Variants in CRYBA4 observed in about 807,000 individuals in gnomAD.
CRYBA4 encodes crystallin beta A4, also known as beta-crystallin A4.
A neutral mutation model predicts 31.7 loss-of-function variants in CRYBA4; 30 were observed. The observed-to-expected ratio is 0.95, with a 90% CI of 0.71 to 1.28. The LOEUF (loss-of-function observed/expected upper bound fraction) is 1.28, where lower values mean the gene tolerates loss of function less well. CRYBA4 is among the 50% of genes most tolerant of loss of function. The pLI is 0.00. For missense variants in CRYBA4, 225 were observed against 260.7 expected (o/e 0.86, Z 0.94); for synonymous variants, 102 against 102.3 (o/e 1.00, Z 0.02).
chr22:26,599,399 G>T, the CRYBA4 span: 1 of 1,357,710 alleles, frequency 7.4e-7, no homozygotes, highest in Non-Finnish European at 1.0e-6. Flanking sequence ...AGAAATTTTG[G>T]CTTTAGGGAA....
the CRYBA4 span, among the ~76,000 whole-genome samples, chr22:26,614,709 C>T: frequency 3.5e-4 from 54 of 152,240 alleles, no homozygotes; most frequent in African/African-American, 1.2e-3. Context: ...ACAAGTAAAT[C>T]GGCCAGTTGC....
rs770287177 is a variant in CRYBA4, at chr22:26,628,282, C to T, written c.301-6C>T. On this transcript the variant is annotated splice_region_variant and splice_polypyrimidine_tract_variant and intron_variant, in intron 4 of 5. Coordinates refer to ENST00000354760, the MANE Select transcript of CRYBA4 (RefSeq NM_001886.3). ...GCTGGTCTGACTGTGTTCCCTGTTC[C>T]TGTAGAACCACCGTGACTCGAGGCT... 9.9e-6 allele frequency: 16 copies of T among 1,613,938 alleles called. No homozygotes were observed. In the South Asian group the frequency reaches 1.6e-4, roughly 17 times the overall value.
At position 26,622,629 on chromosome 22, in the gene CRYBA4, C is replaced by A. The variant is rs1271108460; in HGVS notation, c.33C>A (p.Pro11=). The change falls in exon 2 of 6, where the codon CCC becomes CCA. Residue 11 remains proline, a synonymous_variant. Coordinates refer to ENST00000354760, the MANE Select transcript of CRYBA4 (RefSeq NM_001886.3). The part of the protein sequence containing the change: MTLQCTKSAG[P]WKMVVWDEDG... ...TGCAATGCACAAAGTCAGCGGGACC[C>A]TGGAAGGTAGGAAGAGGCATGGGGA... is the stretch of plus-strand genomic sequence containing the variant. 1 of 1,583,066 alleles carries A rather than the reference C, an allele frequency of 6.3e-7. No individual in the cohort carries two copies. The highest frequency in any genetic ancestry group is 8.6e-7 in the Non-Finnish European group (1 of 1,161,574).
intron 2 of CRYBA4, among the ~76,000 whole-genome samples, chr22:26,622,969 C>G (rs1929579565): frequency 6.6e-6 from 1 of 152,230 alleles, no homozygotes; most frequent in South Asian, 2.1e-4. Flanking sequence ...AAGTCCAGAT[C>G]TAGTGATTGT....
chr22:26,599,626 A>C, the CRYBA4 span: 1 of 1,614,160 alleles, frequency 6.2e-7, no homozygotes, highest in South Asian at 1.1e-5. Context: ...ACCAGGCTCT[A>C]GGAGGTACTG....
At chr22:26,602,948 C>A in the CRYBA4 span, among the ~76,000 whole-genome samples, 1 of 151,160 alleles carries the variant, frequency 6.6e-6, no homozygotes, top group Non-Finnish European at 1.5e-5. Flanking sequence ...ACGATGAAAC[C>A]CCGTCTCTAC....
chr22:26,611,469 G>GTTTTTT, the CRYBA4 span, among the ~76,000 whole-genome samples: 1 of 133,318 alleles, frequency 7.5e-6, no homozygotes, highest in Non-Finnish European at 1.6e-5. Flanking sequence ...TTTTTTTTTT[G>GTTTTTT]TTTTTTTTTT....
chr22:26,613,727 A>C, the CRYBA4 span, among the ~76,000 whole-genome samples: 3 of 152,202 alleles, frequency 2.0e-5, no homozygotes, highest in Non-Finnish European at 4.4e-5. Context: ...GCAATATGAA[A>C]TGTGGGCACC....
At chr22:26,605,436 G>A in the CRYBA4 span, among the ~76,000 whole-genome samples, 1 of 145,796 alleles carries the variant, frequency 6.9e-6, no homozygotes, top group African/African-American at 2.4e-5. Context: ...CACTTTGGGA[G>A]GCCCAGGCGG....
the CRYBA4 span, among the ~76,000 whole-genome samples, chr22:26,605,705 C>G: frequency 8.1e-6 from 1 of 123,274 alleles, no homozygotes; most frequent in Non-Finnish European, 1.7e-5. Context: ...AAAATAGAAA[C>G]AGGCCAACCA....
the CRYBA4 span, chr22:26,607,903 G>A: frequency 1.9e-6 from 3 of 1,614,102 alleles, no homozygotes; most frequent in African/African-American, 1.3e-5. Context: ...TTGATGGGCC[G>A]GAAGGACATG....
intron 2 of CRYBA4, 101 bp from the exon 3 acceptor site, chr22:26,623,133 C>T (rs1210967605): frequency 1.9e-5 from 18 of 971,830 alleles, no homozygotes; most frequent in Middle Eastern, 2.6e-4. Context: ...TCTGAGTTTG[C>T]AATCCCTGCT....
chr22:26,601,331 G>A, the CRYBA4 span, among the ~76,000 whole-genome samples: 19 of 152,228 alleles, frequency 1.2e-4, no homozygotes, highest in East Asian at 5.8e-4. Context: ...GATCCTGAGC[G>A]TTCAGAGCAG....
chr22:26,627,368 CTTTCTTTCTT>C (rs1388719328), intron 4 of CRYBA4, among the ~76,000 whole-genome samples: 20 of 41,406 alleles, frequency 4.8e-4, no homozygotes, highest in Non-Finnish European at 7.2e-4. Context: ...TCCTTTCTTT[CTTTCTTTCTT>C]TCTTTCTTTC....
chr22:26,605,038 G>A, the CRYBA4 span, among the ~76,000 whole-genome samples: 7 of 152,072 alleles, frequency 4.6e-5, no homozygotes, highest in Non-Finnish European at 1.0e-4. Flanking sequence ...CCAGTCCATC[G>A]TTGCTCTAGG....
the CRYBA4 span, among the ~76,000 whole-genome samples, chr22:26,597,476 G>T: frequency 1.3e-5 from 2 of 152,172 alleles, no homozygotes. Context: ...TTGCACAAAG[G>T]TGCCATATGG....
chr22:26,624,543 G>A (rs1725364395), intron 3 of CRYBA4, among the ~76,000 whole-genome samples: 1 of 152,226 alleles, frequency 6.6e-6, no homozygotes, highest in Non-Finnish European at 1.5e-5. Context: ...GGTCATCTTG[G>A]GTGATTTTTG....
At chr22:26,602,828 A>G in the CRYBA4 span, among the ~76,000 whole-genome samples, 4 of 152,122 alleles carry the variant, frequency 2.6e-5, no homozygotes, top group African/African-American at 9.6e-5. Flanking sequence ...ATCTAGGTTC[A>G]AATCCTGCCT....
the CRYBA4 span, chr22:26,599,258 C>T: frequency 3.5e-6 from 2 of 563,696 alleles, no homozygotes; most frequent in Non-Finnish European, 6.3e-6. Context: ...ATTTGGTAGA[C>T]TCACATAACA....
Sources: allele counts gnomAD v4.1 joint callset (sites outside exome capture counted in the v4.1 genomes callset), GRCh38; gene constraint gnomAD v4.1.1; transcripts MANE v1.5; gene names NCBI Gene and HGNC (gene_info 2026-07-23, HGNC 2026-07-21).